ITGA8: variants seen among roughly 807,000 people sequenced by gnomAD.
The protein encoded by ITGA8 is integrin subunit alpha 8, also known as integrin alpha-8.
ITGA8 carries 91 observed loss-of-function variants against 142.3 expected under a neutral mutation model. The ratio of observed to expected loss-of-function variants is 0.64; its 90% CI spans 0.54 to 0.76. The LOEUF (loss-of-function observed/expected upper bound fraction) is 0.76. ITGA8 is among the 30% of genes least tolerant of loss of function. The probability of loss-of-function intolerance (pLI) is 0.00; values close to 1 mark genes in which losing one functional copy is unlikely to be tolerated. For synonymous variants in ITGA8, 505 were observed against 485.2 expected (o/e 1.04, Z -0.54); for missense variants, 1,406 against 1,327.7 (o/e 1.06, Z -0.92).
In ITGA8 at chr10:15,607,720, CT is replaced by C; in HGVS notation, c.1720del (p.Arg574GlyfsTer31). 3 of 1,613,834 alleles carry C rather than the reference CT, an allele frequency of 1.9e-6. No homozygotes were observed. The highest frequency in any genetic ancestry group is 2.5e-6 in the Non-Finnish European group (3 of 1,179,818). On this transcript the variant is annotated frameshift_variant, in exon 17 of 30. Coordinates refer to ENST00000378076, the MANE Select transcript of ITGA8 (RefSeq NM_003638.3). LOFTEE classifies it high-confidence loss of function. Reference protein sequence around the residue: ...AHRVFPLVIKRQKSHQCQDFI... With the variant: ...AHRVFPLVIKXQKSHQCQDFI... ...ATCCTGGCACTGGTGGGATTTCTGC[CT>C]TTTTATCACAAGAGGGAAGACGCGA...
intron 23 of ITGA8, 28 bp downstream of exon 23, chr10:15,586,555 TA>T (rs768420713): frequency 7.6e-7 from 1 of 1,312,024 alleles, no homozygotes; most frequent in Non-Finnish European, 1.1e-6. Context: ...TACAGAAGGA[TA>T]TTGTACTATG....
chr10:15,634,963 G>T (rs1055763480), intron 13 of ITGA8, among the ~76,000 whole-genome samples: 5 of 147,462 alleles, frequency 3.4e-5, no homozygotes, highest in Non-Finnish European at 7.5e-5. Context: ...AAAACATTGA[G>T]AAAAAATAAT....
At chr10:15,670,960 C>A (rs1050884471) in intron 8 of ITGA8, among the ~76,000 whole-genome samples, 1 of 152,172 alleles carries the variant, frequency 6.6e-6, no homozygotes, top group Non-Finnish European at 1.5e-5. Flanking sequence ...CCCCCACCGT[C>A]ATCATCCCAG....
chr10:15,585,240 T>A (rs1229455226), intron 23 of ITGA8, among the ~76,000 whole-genome samples: 4 of 152,218 alleles, frequency 2.6e-5, no homozygotes, highest in Non-Finnish European at 4.4e-5. Context: ...CATGATCATT[T>A]CTGAGCATGA....
chr10:15,571,405 C>A (rs71493228), intron 25 of ITGA8, among the ~76,000 whole-genome samples: 2 of 152,242 alleles, frequency 1.3e-5, no homozygotes, highest in African/African-American at 4.8e-5. Context: ...CTCCTAAGGA[C>A]AATATCTGAC....
At chr10:15,638,394 A>T (rs985024321) in intron 13 of ITGA8, among the ~76,000 whole-genome samples, 16 of 152,208 alleles carry the variant, frequency 1.1e-4, no homozygotes, top group African/African-American at 3.6e-4. Context: ...ACTATCTATG[A>T]TTGGGGCAAT....
At chr10:15,579,022 G>A (rs1834353021) in intron 23 of ITGA8, among the ~76,000 whole-genome samples, 1 of 152,026 alleles carries the variant, frequency 6.6e-6, no homozygotes, top group Non-Finnish European at 1.5e-5. Context: ...ATAAAAAACT[G>A]CTTAAAATAA....
At chr10:15,679,051 C>T (rs1588718577) in intron 4 of ITGA8, among the ~76,000 whole-genome samples, 1 of 152,156 alleles carries the variant, frequency 6.6e-6, no homozygotes, top group South Asian at 2.1e-4. Context: ...TTTTATGACT[C>T]ACTTTCATTT....
chr10:15,705,843 G>T (rs971722532), intron 2 of ITGA8, among the ~76,000 whole-genome samples: 3 of 151,990 alleles, frequency 2.0e-5, no homozygotes, highest in Admixed American at 1.3e-4. Context: ...TTACCTAACT[G>T]GTGGCTCCTT....
intron 27 of ITGA8, among the ~76,000 whole-genome samples, chr10:15,547,724 C>T (rs1833703839): frequency 6.6e-6 from 1 of 152,210 alleles, no homozygotes; most frequent in African/African-American, 2.4e-5. Flanking sequence ...GGTTGGAGCC[C>T]ATGCTGCAGG....
At chr10:15,614,273 G>T (rs1245362404) in intron 14 of ITGA8, among the ~76,000 whole-genome samples, 1 of 152,134 alleles carries the variant, frequency 6.6e-6, no homozygotes, top group South Asian at 2.1e-4. Flanking sequence ...TTCAAGCTGA[G>T]CTTTGCAAAT....
intron 20 of ITGA8, among the ~76,000 whole-genome samples, chr10:15,602,302 A>C (rs1207925166): frequency 6.6e-6 from 1 of 152,152 alleles, no homozygotes; most frequent in Non-Finnish European, 1.5e-5. Context: ...GCTTGTAGAG[A>C]TTTTATTATG....
rs149652148 is a variant in ITGA8, at chr10:15,646,856, A to G, written c.1197T>C (p.Asp399=). Residue 399 remains aspartate, a synonymous_variant, in exon 12 of 30, where the codon GAT becomes GAC. Coordinates refer to ENST00000378076, the MANE Select transcript of ITGA8 (RefSeq NM_003638.3). The part of the protein sequence containing the change: ...AMAHLGDLNQ[D]GYNDIAIGVP... ...TTTGGTTTAAATTACCATTGTATCC[A>G]TCTTGGTTCAGGTCTCCTAAGTGTG... 92 of 1,613,744 alleles carry G rather than the reference A, an allele frequency of 5.7e-5. No homozygotes were observed. The African/African-American group carries it at 1.1e-3, about 19-fold the overall frequency.
At chr10:15,557,577 C>A (rs567853521) in intron 26 of ITGA8, among the ~76,000 whole-genome samples, 1 of 152,190 alleles carries the variant, frequency 6.6e-6, no homozygotes, top group Non-Finnish European at 1.5e-5. Context: ...GGTCCCAAAC[C>A]CTTGGCCTCA....
At chr10:15,575,467 C>CT in intron 24 of ITGA8, 22 bp downstream of exon 24, 1 of 1,545,316 alleles carries the variant, frequency 6.5e-7, no homozygotes, top group Non-Finnish European at 9.0e-7. Flanking sequence ...CCTAACACAA[C>CT]TTTAACACAG....
intron 2 of ITGA8, among the ~76,000 whole-genome samples, chr10:15,713,828 A>G (rs78349890): frequency 0.11 from 16,608 of 151,530 alleles, 981 homozygotes; most frequent in Non-Finnish European, 0.13. Context: ...TCCTAATCCA[A>G]TTGTCTTCCA....
chr10:15,623,543 T>TG (rs1457272177), intron 13 of ITGA8, among the ~76,000 whole-genome samples: 1 of 151,960 alleles, frequency 6.6e-6, no homozygotes, highest in African/African-American at 2.4e-5. Flanking sequence ...AAAATTAGCC[T>TG]GGTGTGGTGG....
chr10:15,667,868 A>G (rs1834426712), intron 8 of ITGA8, among the ~76,000 whole-genome samples: 1 of 152,048 alleles, frequency 6.6e-6, no homozygotes, highest in African/African-American at 2.4e-5. Context: ...GTTTGATTGC[A>G]CTGTGGTCTG....
chr10:15,563,314 T>C (rs1174024486), intron 25 of ITGA8, among the ~76,000 whole-genome samples: 1 of 152,222 alleles, frequency 6.6e-6, no homozygotes, highest in Non-Finnish European at 1.5e-5. Context: ...AGAACAGTTT[T>C]GATGGTATCA....
Sources: allele counts gnomAD v4.1 joint callset (sites outside exome capture counted in the v4.1 genomes callset), GRCh38; gene constraint gnomAD v4.1.1; transcripts MANE v1.5; gene names NCBI Gene and HGNC (gene_info 2026-07-23, HGNC 2026-07-21).